The following SLC35H1 variants were observed in gnomAD, a reference collection of about 807,000 sequenced individuals.
The protein encoded by SLC35H1 is ovarian cancer-overexpressed gene 1 protein.
At chr20:46,354,930 G>A in the SLC35H1 span, 1 of 1,613,726 alleles carries the variant, frequency 6.2e-7, no homozygotes, top group Non-Finnish European at 8.5e-7. Context: ...ATGAGTGGCT[G>A]CAGGTGGAAC....
chr20:46,356,256 G>A, the SLC35H1 span, among the ~76,000 whole-genome samples: 9 of 152,320 alleles, frequency 5.9e-5, no homozygotes, highest in East Asian at 5.8e-4. Flanking sequence ...CTGCGGCTGC[G>A]TGTACCACCC....
At chr20:46,356,562 G>A in the SLC35H1 span, 1 of 1,613,834 alleles carries the variant, frequency 6.2e-7, no homozygotes, top group Non-Finnish European at 8.5e-7. Flanking sequence ...GCAGGGCATG[G>A]CCAGTACTCA....
the SLC35H1 span, among the ~76,000 whole-genome samples, chr20:46,359,267 C>T: frequency 2.0e-5 from 3 of 152,244 alleles, no homozygotes; most frequent in Non-Finnish European, 4.4e-5. Flanking sequence ...AACCCCACCC[C>T]ATCCCCTGAA....
chr20:46,362,779 G>T, the SLC35H1 span, among the ~76,000 whole-genome samples: 3 of 152,178 alleles, frequency 2.0e-5, no homozygotes, highest in Admixed American at 2.0e-4. Flanking sequence ...TATTCTTTTT[G>T]TTGTTGTTGT....
At chr20:46,364,118 C>G in the SLC35H1 span, 2 of 152,440 alleles carry the variant, frequency 1.3e-5, no homozygotes, top group African/African-American at 4.8e-5. Flanking sequence ...CGGCCCGGGT[C>G]CCGCACCCAG....
At chr20:46,359,229 C>A in the SLC35H1 span, among the ~76,000 whole-genome samples, 6 of 152,246 alleles carry the variant, frequency 3.9e-5, no homozygotes, top group Non-Finnish European at 4.4e-5. Context: ...TCCTACCTAT[C>A]TTCAGCTCAG....
At chr20:46,357,821 C>T in the SLC35H1 span, 5 of 1,600,670 alleles carry the variant, frequency 3.1e-6, no homozygotes, top group Admixed American at 1.7e-5. Flanking sequence ...AGACAGCCTG[C>T]CCCCCACCGG....
At chr20:46,356,576 C>T in the SLC35H1 span, 111 of 1,614,048 alleles carry the variant, frequency 6.9e-5, no homozygotes, top group Non-Finnish European at 8.6e-5. Flanking sequence ...GTACTCACAG[C>T]GAGACGGTGA....
At chr20:46,352,028 T>G in the SLC35H1 span, 4 of 1,612,280 alleles carry the variant, frequency 2.5e-6, no homozygotes, top group Admixed American at 6.7e-5. Context: ...AAGACAGGAC[T>G]GGCATCACGC....
chr20:46,354,902 G>A, the SLC35H1 span: 3 of 1,610,280 alleles, frequency 1.9e-6, no homozygotes, highest in Non-Finnish European at 2.5e-6. Flanking sequence ...AGCAAAGAGA[G>A]GGAAGAGCCC....
the SLC35H1 span, among the ~76,000 whole-genome samples, chr20:46,361,125 T>C: frequency 9.7e-4 from 148 of 152,284 alleles, 1 homozygote; most frequent in Non-Finnish European, 1.5e-3. Flanking sequence ...AGATATCTAA[T>C]ATCAGGCATC....
chr20:46,358,554 C>A, the SLC35H1 span: 75 of 1,613,856 alleles, frequency 4.6e-5, no homozygotes, highest in African/African-American at 1.2e-4. Context: ...GGGGCAGGCA[C>A]CCCTCTTGAA....
At chr20:46,359,070 T>A in the SLC35H1 span, 1 of 379,358 alleles carries the variant, frequency 2.6e-6, no homozygotes. Flanking sequence ...TGGCCTCATC[T>A]GGCCCTGCTG....
the SLC35H1 span, chr20:46,355,019 C>T: frequency 3.8e-5 from 62 of 1,613,644 alleles, 1 homozygote; most frequent in South Asian, 4.9e-4. The surrounding 1 kb of genome is among the most constrained non-coding windows in gnomAD (Gnocchi z 4.8). Flanking sequence ...GCCCTGCCTC[C>T]GCCCTGCCTG....
chr20:46,359,836 C>G, the SLC35H1 span, among the ~76,000 whole-genome samples: 1 of 152,218 alleles, frequency 6.6e-6, no homozygotes, highest in African/African-American at 2.4e-5. Flanking sequence ...CCTTCCTAGG[C>G]TTCACGATCA....
At chr20:46,358,807 G>A in the SLC35H1 span, 1 of 1,242,686 alleles carries the variant, frequency 8.0e-7, no homozygotes, top group South Asian at 1.3e-5. Context: ...GGCAGAGACT[G>A]TGCTTCTCGT....
chr20:46,357,882 C>A, the SLC35H1 span: 12 of 1,225,814 alleles, frequency 9.8e-6, no homozygotes, highest in Admixed American at 1.9e-4. Flanking sequence ...TTCGGTGGTT[C>A]ATGAGGACCT....
chr20:46,364,107 C>G, the SLC35H1 span: 1 of 152,312 alleles, frequency 6.6e-6, no homozygotes, highest in African/African-American at 2.4e-5. Flanking sequence ...GTGTCCGATT[C>G]CGGCCCGGGT....
the SLC35H1 span, chr20:46,355,673 G>T: frequency 7.3e-7 from 1 of 1,362,902 alleles, no homozygotes; most frequent in Non-Finnish European, 1.0e-6. The surrounding 1 kb of genome is among the most constrained non-coding windows in gnomAD (Gnocchi z 4.8). Flanking sequence ...TTCTCAGAAA[G>T]GGATCTACTG....
Sources: allele counts gnomAD v4.1 joint callset (sites outside exome capture counted in the v4.1 genomes callset), GRCh38; gene constraint gnomAD v4.1.1; non-coding constraint Gnocchi (gnomAD v3.1); transcripts MANE v1.5; gene names NCBI Gene and HGNC (gene_info 2026-07-23, HGNC 2026-07-21).